The following ACADM variants were observed in gnomAD, a reference collection of about 807,000 sequenced individuals.
ACADM encodes medium-chain specific acyl-CoA dehydrogenase, mitochondrial.
Under a neutral mutation model 58.9 loss-of-function variants are expected in ACADM, and 49 were observed. The ratio of observed to expected loss-of-function variants is 0.83; its 90% confidence interval spans 0.66 to 1.06. The LOEUF (loss-of-function observed/expected upper bound fraction) is 1.06. Ranked by LOEUF, ACADM falls within the 50% of genes least tolerant of loss-of-function variation. ACADM has a pLI of 0.00. For missense variants in ACADM, 496 were observed against 507.0 expected (o/e 0.98, Z 0.21); for synonymous variants, 160 against 157.7 (o/e 1.01, Z -0.11).
At chr1:75,744,045 A>G (rs1557453574) in intron 7 of ACADM, 28 of 1,585,116 alleles carry the variant, frequency 1.8e-5, no homozygotes, top group Non-Finnish European at 2.3e-5. Flanking sequence ...GCATTGGCAC[A>G]TGTATTCTGG....
chr1:75,724,920 A>C lies in ACADM; in HGVS notation c.30+103A>C, dbSNP rs561520228. ...ATAGGTGCGGCCGGGAGGAGTGGGA[A>C]GTCGGGCTGAGGAAGGAGCCAGCCT... On this transcript the variant is annotated intron_variant, in intron 1 of 11. Transcript: ENST00000370841. 4.9e-6 allele frequency: 6 copies of C among 1,235,062 alleles called. No homozygotes were observed. The East Asian group carries it at 1.7e-4, about 35-fold the overall frequency. The allele number at this position is 1,235,062 out of a possible 1,614,324, so 76.5% of individuals were successfully genotyped here.
chr1:75,750,473 T>C lies in ACADM; in HGVS notation c.872T>C (p.Leu291Ser). Residue 291 changes from leucine (L) to serine (S), a missense_variant, in exon 10 of 12, where the codon TTA becomes TCA. By Grantham distance (145) the Leu-to-Ser change is moderately radical (BLOSUM62 -2). Coordinates refer to ENST00000370841, the MANE Select transcript of ACADM (RefSeq NM_000016.6). ...RPVVAAGAVG[L>S]AQRALDEATK... is the part of the protein sequence containing the mutation. ...TAGGTAGCTGCTGGTGCTGTTGGAT[T>C]AGCACAAAGAGCTTTGGATGAAGCT... The C allele has an allele frequency of 6.2e-7, 1 of 1,612,178 alleles. No individual in the cohort carries two copies. Among genetic ancestry groups the C allele is most frequent in the Non-Finnish European group, 8.5e-7 (1 of 1,179,668 alleles).
In ACADM at chr1:75,732,837, GTTCTTT is replaced by G; in HGVS notation, c.217-10_217-5del. On this transcript the variant is annotated splice_polypyrimidine_tract_variant and intron_variant, in intron 3 of 11. Transcript: ENST00000370841. ...GGATTTCAAAATATATTTTAACTCA[GTTCTTT>G]TTCTTCTAGTATCCAGTCCCCCTAA... The G allele has an allele frequency of 6.2e-7, 1 of 1,611,698 alleles. No homozygotes were observed. Among genetic ancestry groups the G allele is most frequent in the Non-Finnish European group, 8.5e-7 (1 of 1,177,888 alleles).
chr1:75,744,022 T>C (rs1647739091), intron 7 of ACADM: 2 of 1,576,908 alleles, frequency 1.3e-6, no homozygotes, highest in Admixed American at 1.7e-5. Flanking sequence ...ATCAATCTCA[T>C]TAAAAATTGT....
chr1:75,735,679 C>T (rs1041437871), intron 6 of ACADM, among the ~76,000 whole-genome samples: 4 of 151,888 alleles, frequency 2.6e-5, no homozygotes, highest in Non-Finnish European at 5.9e-5. Flanking sequence ...ATGGAGAAAC[C>T]CCATCTCTAC....
At chr1:75,745,196 G>A (rs1170270747) in intron 7 of ACADM, among the ~76,000 whole-genome samples, 1 of 152,110 alleles carries the variant, frequency 6.6e-6, no homozygotes, top group Admixed American at 6.6e-5. Flanking sequence ...AATAAGTTAT[G>A]TAAATGTAGG....
At chr1:75,741,538 G>T (rs1647567721) in intron 7 of ACADM, among the ~76,000 whole-genome samples, 1 of 152,160 alleles carries the variant, frequency 6.6e-6, no homozygotes, top group Non-Finnish European at 1.5e-5. Flanking sequence ...GAGGCAGGAG[G>T]ATTGCTTGAG....
At chr1:75,731,280 A>G (rs1019417175) in intron 2 of ACADM, among the ~76,000 whole-genome samples, 6 of 8,260 alleles carry the variant, frequency 7.3e-4, no homozygotes, top group Admixed American at 1.5e-3. Context: ...CTCCGTCTCA[A>G]AAAAAAAAAA....
chr1:75,734,644 CTA>C, intron 5 of ACADM, 145 bp from the exon 6 acceptor site: 1 of 636,414 alleles, frequency 1.6e-6, no homozygotes, highest in Non-Finnish European at 2.8e-6. Flanking sequence ...TTTCCTCATT[CTA>C]ACTTAGAGGC....
At chr1:75,738,451 A>G (rs551970559) in intron 6 of ACADM, among the ~76,000 whole-genome samples, 2 of 151,430 alleles carry the variant, frequency 1.3e-5, no homozygotes, top group Non-Finnish European at 2.9e-5. Flanking sequence ...CGAACTCCTA[A>G]CCTCAGGTGA....
chr1:75,730,929 C>G (rs1040898534), intron 2 of ACADM, among the ~76,000 whole-genome samples: 7 of 152,070 alleles, frequency 4.6e-5, no homozygotes, highest in African/African-American at 1.7e-4. Context: ...CTTAAGTATA[C>G]TTCTGCTAAT....
intron 10 of ACADM, 112 bp downstream of exon 10, chr1:75,750,658 A>T (rs1648149999): frequency 2.5e-6 from 2 of 786,314 alleles, no homozygotes; most frequent in South Asian, 2.9e-5. Context: ...GATAGCAAGA[A>T]GATAATGTGG....
At chr1:75,755,678 G>GA (rs1648466510) in intron 10 of ACADM, among the ~76,000 whole-genome samples, 1 of 152,228 alleles carries the variant, frequency 6.6e-6, no homozygotes, top group South Asian at 2.1e-4. Flanking sequence ...CAGAAAAGCT[G>GA]AAAATTCTAC....
intron 6 of ACADM, among the ~76,000 whole-genome samples, chr1:75,738,876 A>G (rs1434434216): frequency 2.6e-5 from 4 of 152,060 alleles, no homozygotes; most frequent in African/African-American, 9.7e-5. Context: ...TTTATCCATT[A>G]CTGCTTGTGT....
At chr1:75,725,821 G>C (rs1456787457) in intron 1 of ACADM, among the ~76,000 whole-genome samples, 2 of 152,190 alleles carry the variant, frequency 1.3e-5, no homozygotes, top group African/African-American at 4.8e-5. Flanking sequence ...AATACGCAGT[G>C]AGATTAGTCC....
intron 7 of ACADM, chr1:75,743,524 G>A: frequency 6.2e-7 from 1 of 1,607,618 alleles, no homozygotes; most frequent in South Asian, 1.1e-5. Flanking sequence ...ATAGGTCAGT[G>A]CCACGTACAT....
chr1:75,746,900 A>G (rs1464009504), intron 8 of ACADM, among the ~76,000 whole-genome samples: 3 of 152,118 alleles, frequency 2.0e-5, no homozygotes, highest in African/African-American at 7.2e-5. Context: ...CGCCCAACCA[A>G]AGTCCCAAAG....
chr1:75,735,642 T>C (rs57186386), intron 6 of ACADM, among the ~76,000 whole-genome samples: 45,543 of 151,848 alleles, frequency 0.3, 7,010 homozygotes, highest in Non-Finnish European at 0.33. Flanking sequence ...CACCTGAGGT[T>C]AGGAGTTCGA....
chr1:75,730,942 A>T (rs935279025), intron 2 of ACADM, among the ~76,000 whole-genome samples: 1 of 152,110 alleles, frequency 6.6e-6, no homozygotes, highest in Non-Finnish European at 1.5e-5. Flanking sequence ...CTGCTAATTC[A>T]TTGTGAGACT....
Sources: gnomAD v4.1 joint callset for allele counts (sites outside exome capture counted in the v4.1 genomes callset) on GRCh38, gnomAD v4.1.1 for gene constraint, MANE v1.5 for transcripts, NCBI Gene and HGNC (gene_info 2026-07-23, HGNC 2026-07-21) for gene names.